Variants in SSBP2 observed in about 807,000 individuals in gnomAD.
SSBP2 encodes single-stranded DNA-binding protein 2.
SSBP2 carries 17 observed loss-of-function variants against 61.8 expected under a neutral mutation model. The observed-to-expected ratio is 0.28, with a 90% CI of 0.19 to 0.41. SSBP2 has a LOEUF of 0.41. SSBP2 is among the 10% of genes least tolerant of loss of function. SSBP2 has a pLI of 1.00. For missense variants in SSBP2, 310 were observed against 458.7 expected (o/e 0.68, Z 2.96); for synonymous variants, 139 against 141.3 (o/e 0.98, Z 0.12).
rs144360880 is a variant in SSBP2 at position 81,505,768 on chromosome 5, G to C, written c.372+7860C>G. On this transcript the variant is annotated intron_variant, in intron 5 of 16. Transcript: ENST00000320672. ...CATACTAAATGTGTTGGACATCTTT[G>C]GCTTGCAGGAGTAGCATGAAAAGTG... is the stretch of plus-strand genomic sequence containing the variant. Among the ~76,000 whole-genome samples the C allele has an allele frequency of 1.4e-3, 214 of 152,204 alleles. 1 individual carries two copies. The highest frequency in any genetic ancestry group is 2.5e-3 in the Non-Finnish European group (171 of 67,994).
intron 1 of SSBP2, among the ~76,000 whole-genome samples, chr5:81,747,170 T>C (rs1757411030): frequency 6.6e-6 from 1 of 152,150 alleles, no homozygotes; most frequent in Non-Finnish European, 1.5e-5. Flanking sequence ...TTTGATCAAA[T>C]CTTTAAAGTC....
intron 2 of SSBP2, 98 bp downstream of exon 2, chr5:81,650,169 A>C (rs1227274265): frequency 2.4e-6 from 2 of 821,574 alleles, no homozygotes; most frequent in Non-Finnish European, 3.8e-6. Context: ...AATTCACTAT[A>C]TAATACATAA....
chr5:81,603,411 T>C (rs1188026097), intron 4 of SSBP2, among the ~76,000 whole-genome samples: 2 of 152,134 alleles, frequency 1.3e-5, no homozygotes, highest in Non-Finnish European at 1.5e-5. Flanking sequence ...GGAAGAAGCC[T>C]CAAGGCTTCT....
At chr5:81,747,854 A>G (rs537808758) in intron 1 of SSBP2, among the ~76,000 whole-genome samples, 1 of 152,296 alleles carries the variant, frequency 6.6e-6, no homozygotes, top group South Asian at 2.1e-4. Flanking sequence ...TAAAGGAAGA[A>G]ATGACCTAAC....
intron 4 of SSBP2, among the ~76,000 whole-genome samples, chr5:81,593,947 A>C (rs1743413225): frequency 1.3e-5 from 2 of 152,222 alleles, no homozygotes; most frequent in Non-Finnish European, 2.9e-5. Flanking sequence ...CGAGCAAAAT[A>C]ATCAGCTAAC....
intron 1 of SSBP2, among the ~76,000 whole-genome samples, chr5:81,749,303 TTTTTG>T (rs78361418): frequency 0.058 from 8,791 of 152,170 alleles, 549 homozygotes; most frequent in East Asian, 0.37. Flanking sequence ...GCCTCTCTAA[TTTTTG>T]TTTTGTTTTG....
chr5:81,484,148 G>T (rs865986665), intron 6 of SSBP2, among the ~76,000 whole-genome samples: 11 of 152,248 alleles, frequency 7.2e-5, no homozygotes, highest in Admixed American at 2.0e-4. Flanking sequence ...ATTTCTGAGA[G>T]TGATTTTGGA....
chr5:81,466,867 A>G, intron 9 of SSBP2, 107 bp downstream of exon 9: 6 of 624,738 alleles, frequency 9.6e-6, no homozygotes, highest in Non-Finnish European at 1.5e-5. Context: ...ACGTCATTTT[A>G]GAGGCCAGAA....
At chr5:81,453,132 A>G (rs1456453493) in intron 10 of SSBP2, among the ~76,000 whole-genome samples, 1 of 151,514 alleles carries the variant, frequency 6.6e-6, no homozygotes, top group African/African-American at 2.4e-5. Context: ...TTGTCTCTAT[A>G]AAAAACAAAA....
chr5:81,484,152 T>C (rs572600340), intron 6 of SSBP2, among the ~76,000 whole-genome samples: 1 of 152,324 alleles, frequency 6.6e-6, no homozygotes, highest in South Asian at 2.1e-4. Context: ...CTGAGAGTGA[T>C]TTTGGATAGC....
chr5:81,489,171 T>A (rs1332227769), intron 6 of SSBP2, 79 bp downstream of exon 6: 1 of 1,275,370 alleles, frequency 7.8e-7, no homozygotes, highest in East Asian at 2.5e-5. Flanking sequence ...ATTTCATATT[T>A]TTACAGGATG....
intron 7 of SSBP2, among the ~76,000 whole-genome samples, 163 bp from the exon 8 acceptor site, chr5:81,473,933 A>G (rs1305226793): frequency 6.6e-6 from 1 of 152,052 alleles, no homozygotes; most frequent in East Asian, 1.9e-4. Context: ...TCTTACCACT[A>G]CCTACCCACA....
At chr5:81,439,073 C>G (rs1049791132) in intron 14 of SSBP2, among the ~76,000 whole-genome samples, 1 of 152,162 alleles carries the variant, frequency 6.6e-6, no homozygotes, top group Non-Finnish European at 1.5e-5. Context: ...GCTCAAAAGT[C>G]TCTTAGTGTA....
At chr5:81,678,799 C>A (rs960188943) in intron 1 of SSBP2, among the ~76,000 whole-genome samples, 3 of 151,950 alleles carry the variant, frequency 2.0e-5, no homozygotes, top group African/African-American at 7.3e-5. Context: ...AACGCCAAAC[C>A]TAGAATTCTA....
intron 1 of SSBP2, among the ~76,000 whole-genome samples, chr5:81,654,545 C>T (rs1750041205): frequency 6.6e-6 from 1 of 152,158 alleles, no homozygotes; most frequent in South Asian, 2.1e-4. Flanking sequence ...TTTGCCACTC[C>T]TTTCTTTCCT....
At chr5:81,656,929 T>C (rs1750277667) in intron 1 of SSBP2, among the ~76,000 whole-genome samples, 1 of 152,144 alleles carries the variant, frequency 6.6e-6, no homozygotes, top group Admixed American at 6.6e-5. Flanking sequence ...GAACAGTTTG[T>C]ATAGTATGCT....
At chr5:81,637,135 A>C (rs2153675528) in intron 2 of SSBP2, among the ~76,000 whole-genome samples, 1 of 152,330 alleles carries the variant, frequency 6.6e-6, no homozygotes, top group African/African-American at 2.4e-5. Flanking sequence ...CACAACCAGA[A>C]CCAGTCTCTT....
intron 4 of SSBP2, among the ~76,000 whole-genome samples, chr5:81,613,851 G>C (rs908924881): frequency 3.3e-5 from 5 of 152,050 alleles, no homozygotes; most frequent in African/African-American, 1.2e-4. Context: ...TGTCAACCAA[G>C]GGTAAAAAAG....
At chr5:81,608,868 A>G (rs1745151635) in intron 4 of SSBP2, among the ~76,000 whole-genome samples, 1 of 152,184 alleles carries the variant, frequency 6.6e-6, no homozygotes. Context: ...GGGATTACAG[A>G]GGAAAAGACA....
Sources: gnomAD v4.1 joint callset for allele counts (sites outside exome capture counted in the v4.1 genomes callset) on GRCh38, gnomAD v4.1.1 for gene constraint, MANE v1.5 for transcripts, NCBI Gene and HGNC (gene_info 2026-07-23, HGNC 2026-07-21) for gene names.